Variants in GRM7 observed in about 807,000 individuals in gnomAD.
GRM7 encodes metabotropic glutamate receptor 7.
GRM7 carries 35 observed loss-of-function variants against 84.5 expected under a neutral mutation model. That is an observed-to-expected ratio of 0.41 (90% CI 0.32 to 0.55). The LOEUF (loss-of-function observed/expected upper bound fraction) is 0.55. Ranked by LOEUF, GRM7 falls within the 20% of genes least tolerant of loss-of-function variation. The probability of loss-of-function intolerance (pLI) is 0.19; values close to 1 mark genes in which losing one functional copy is unlikely to be tolerated. For synonymous variants in GRM7, 487 were observed against 455.1 expected (o/e 1.07, Z -0.89); for missense variants, 1,003 against 1,194.6 (o/e 0.84, Z 2.36).
intron 8 of GRM7, among the ~76,000 whole-genome samples, chr3:7,615,172 GATATGTGTGT>G (rs1389599913): frequency 2.6e-5 from 4 of 152,070 alleles, no homozygotes; most frequent in African/African-American, 7.2e-5. Flanking sequence ...ACATATGCAT[GATATGTGTGT>G]ATATGTGTGT....
chr3:7,405,401 T>G (rs1476786159), intron 4 of GRM7, among the ~76,000 whole-genome samples: 2 of 152,180 alleles, frequency 1.3e-5, no homozygotes, highest in Non-Finnish European at 2.9e-5. Context: ...CATAGTGATA[T>G]TTTGATACAC....
intron 7 of GRM7, among the ~76,000 whole-genome samples, chr3:7,503,555 G>A (rs1050179030): frequency 5.9e-5 from 9 of 152,110 alleles, no homozygotes; most frequent in Non-Finnish European, 1.3e-4. Flanking sequence ...AATCGATTCT[G>A]CTGAAAACAG....
chr3:7,538,341 A>G (rs1575468951), intron 7 of GRM7, among the ~76,000 whole-genome samples: 1 of 152,154 alleles, frequency 6.6e-6, no homozygotes, highest in East Asian at 1.9e-4. Flanking sequence ...CAAACTCCAG[A>G]CCTCAGGTGA....
intron 9 of GRM7, among the ~76,000 whole-genome samples, chr3:7,685,216 T>G (rs1348927528): frequency 6.6e-6 from 1 of 152,182 alleles, no homozygotes; most frequent in Non-Finnish European, 1.5e-5. Context: ...GGATAAGAAC[T>G]GCAGCCTTCT....
At chr3:7,040,458 A>C (rs1696556075) in intron 1 of GRM7, among the ~76,000 whole-genome samples, 1 of 151,918 alleles carries the variant, frequency 6.6e-6, no homozygotes, top group Non-Finnish European at 1.5e-5. Context: ...GCCTGCCACC[A>C]TGCCCAGCTA....
intron 4 of GRM7, among the ~76,000 whole-genome samples, chr3:7,351,419 C>T (rs1693142423): frequency 6.8e-6 from 1 of 147,784 alleles, no homozygotes; most frequent in Non-Finnish European, 1.5e-5. Context: ...CTATCATCTT[C>T]ATATGCTTGC....
chr3:7,479,747 G>C (rs1265006995), intron 7 of GRM7, among the ~76,000 whole-genome samples: 1 of 152,032 alleles, frequency 6.6e-6, no homozygotes, highest in African/African-American at 2.4e-5. Flanking sequence ...CTATGCTATT[G>C]GTCAAGGTTT....
At chr3:7,503,542 T>C (rs889821105) in intron 7 of GRM7, among the ~76,000 whole-genome samples, 2 of 152,190 alleles carry the variant, frequency 1.3e-5, no homozygotes, top group Non-Finnish European at 2.9e-5. Flanking sequence ...TTCCTTCTTT[T>C]CAAATCGATT....
intron 5 of GRM7, among the ~76,000 whole-genome samples, chr3:7,452,310 C>T (rs1321795649): frequency 1.3e-5 from 2 of 152,050 alleles, no homozygotes; most frequent in Non-Finnish European, 2.9e-5. Context: ...ATGTGGCAAC[C>T]CAGCTTCTGA....
chr3:7,218,327 T>C (rs1168416829), intron 2 of GRM7, among the ~76,000 whole-genome samples: 1 of 152,152 alleles, frequency 6.6e-6, no homozygotes, highest in Non-Finnish European at 1.5e-5. Context: ...ATAAAGGGCG[T>C]TGCCTTAATT....
chr3:7,078,262 C>T (rs1174104842), intron 1 of GRM7, among the ~76,000 whole-genome samples: 1 of 152,182 alleles, frequency 6.6e-6, no homozygotes, highest in African/African-American at 2.4e-5. Context: ...GTGGTCTACA[C>T]ATCATCATCA....
intron 7 of GRM7, among the ~76,000 whole-genome samples, chr3:7,555,305 G>A (rs1013610357): frequency 1.3e-5 from 2 of 152,106 alleles, no homozygotes; most frequent in Admixed American, 6.5e-5. Context: ...TTGAAACACT[G>A]TTGTCTAAGT....
intron 1 of GRM7, among the ~76,000 whole-genome samples, chr3:7,093,086 C>T (rs1013416352): frequency 6.6e-6 from 1 of 152,098 alleles, no homozygotes; most frequent in Non-Finnish European, 1.5e-5. Flanking sequence ...ACACCAACAA[C>T]AGCGACAACA....
intron 3 of GRM7, among the ~76,000 whole-genome samples, chr3:7,302,528 C>A (rs1388529740): frequency 6.6e-6 from 1 of 152,064 alleles, no homozygotes; most frequent in Non-Finnish European, 1.5e-5. Flanking sequence ...TCAGCACCTC[C>A]CCAAACATGT....
chr3:7,492,152 T>TA (rs1699542429), intron 7 of GRM7, among the ~76,000 whole-genome samples: 1 of 152,140 alleles, frequency 6.6e-6, no homozygotes, highest in African/African-American at 2.4e-5. Context: ...TAATAAGAGA[T>TA]ATTGGTCTGT....
intron 2 of GRM7, among the ~76,000 whole-genome samples, chr3:7,209,723 A>T (rs538760988): frequency 6.6e-6 from 1 of 152,228 alleles, no homozygotes; most frequent in Non-Finnish European, 1.5e-5. Context: ...GAGAAGGCAT[A>T]CAAACCAGAT....
chr3:7,184,184 A>G (rs1240025903), intron 2 of GRM7, among the ~76,000 whole-genome samples: 4 of 152,174 alleles, frequency 2.6e-5, no homozygotes, highest in African/African-American at 9.6e-5. Context: ...TATACTATGT[A>G]GCATACTTTT....
chr3:6,915,803 CATA>C (rs1411542211), intron 1 of GRM7, among the ~76,000 whole-genome samples: 1 of 152,152 alleles, frequency 6.6e-6, no homozygotes, highest in East Asian at 1.9e-4. Context: ...TTCACCCAAA[CATA>C]ATAACAGTAA....
intron 1 of GRM7, among the ~76,000 whole-genome samples, chr3:6,876,254 C>T (rs573784112): frequency 4.2e-4 from 64 of 151,184 alleles, no homozygotes; most frequent in African/African-American, 7.3e-4. Flanking sequence ...GGTGACAGAG[C>T]GAGGCTCCAT....
Sources: allele counts gnomAD v4.1 joint callset (sites outside exome capture counted in the v4.1 genomes callset), GRCh38; gene constraint gnomAD v4.1.1; transcripts MANE v1.5; gene names NCBI Gene and HGNC (gene_info 2026-07-23, HGNC 2026-07-21).